SMIM35: variants seen among roughly 807,000 people sequenced by gnomAD.
The protein encoded by SMIM35 is TMPRSS4 antisense RNA 1 (non-protein coding).
intron 1 of SMIM35, chr11:118,029,535 G>A (rs2058301154): frequency 2.4e-6 from 1 of 415,514 alleles, no homozygotes; most frequent in Non-Finnish European, 4.8e-6. Flanking sequence ...CCAATAGGAG[G>A]CAATAGAGAG....
chr11:118,044,188 C>A (rs1332328826), intron 1 of SMIM35, among the ~76,000 whole-genome samples: 1 of 151,804 alleles, frequency 6.6e-6, no homozygotes, highest in Non-Finnish European at 1.5e-5. Flanking sequence ...ACACTCAAAA[C>A]CCATGCAAAA....
intron 1 of SMIM35, chr11:118,029,964 T>G (rs2058304882): frequency 5.6e-6 from 2 of 356,972 alleles, no homozygotes; most frequent in African/African-American, 4.3e-5. Context: ...TTGTTGTGGC[T>G]TATGTTTCCT....
chr11:118,042,606 A>G (rs1416069555), intron 1 of SMIM35, among the ~76,000 whole-genome samples: 2 of 152,248 alleles, frequency 1.3e-5, no homozygotes, highest in Non-Finnish European at 2.9e-5. Context: ...AACTCATTTT[A>G]TAAGGCAAAT....
chr11:118,056,339 G>T (rs1388292902), intron 1 of SMIM35, among the ~76,000 whole-genome samples: 2 of 152,166 alleles, frequency 1.3e-5, no homozygotes. Flanking sequence ...GGAAGGGAGG[G>T]TCAGCAGAAC....
At chr11:118,021,272 A>T (rs1314366839) in intron 1 of SMIM35, among the ~76,000 whole-genome samples, 1 of 152,104 alleles carries the variant, frequency 6.6e-6, no homozygotes, top group Non-Finnish European at 1.5e-5. Context: ...TAACAATAAA[A>T]TTGTTTTTTC....
At chr11:118,063,918 G>A (rs2135126746) in intron 1 of SMIM35, among the ~76,000 whole-genome samples, 1 of 152,322 alleles carries the variant, frequency 6.6e-6, no homozygotes, top group South Asian at 2.1e-4. Context: ...AAAGGTAAGT[G>A]TTCTCCTAAG....
Position 118,015,791 on chromosome 11 carries a change from G to C in SMIM35, c.26C>G (p.Thr9Ser), listed in dbSNP as rs1038456205. The C allele has an allele frequency of 3.0e-5, 12 of 399,100 alleles. No individual in the cohort carries two copies. Among genetic ancestry groups the C allele is most frequent in the Non-Finnish European group, 4.4e-5 (10 of 226,234 alleles). The allele number at this position is 399,100 out of a possible 1,614,324, so 24.7% of individuals were successfully genotyped here. A position where few individuals can be genotyped will look rare whatever the true frequency, so the allele number is the denominator to read the frequency against. Residue 9 changes from threonine to serine, a missense_variant, in exon 2 of 5, where the codon ACC becomes AGC. Physicochemically the swap from Thr to Ser is moderately conservative, Grantham distance 58. Coordinates refer to ENST00000689828, the MANE Select transcript of SMIM35 (RefSeq NM_001394165.1). MTGEDSISTLGLILGVGLL... is the reference protein window; with the variant it reads MTGEDSISSLGLILGVGLL... ...CCCCACGCCAAGGATCAGGCCCAAGGTGCTGATGGAGTCCTCACCTGCAGA... is the reference window on the plus strand; with the variant it reads ...CCCCACGCCAAGGATCAGGCCCAAGCTGCTGATGGAGTCCTCACCTGCAGA...
At chr11:118,082,275 G>C (rs1945192791) in intron 1 of SMIM35, among the ~76,000 whole-genome samples, 1 of 152,110 alleles carries the variant, frequency 6.6e-6, no homozygotes, top group Admixed American at 6.5e-5. Flanking sequence ...AGAAATTGAG[G>C]CTCAGCCGGG....
chr11:118,024,279 G>A (rs2058255929), intron 1 of SMIM35, among the ~76,000 whole-genome samples: 1 of 152,090 alleles, frequency 6.6e-6, no homozygotes. Flanking sequence ...CATCAAGGAA[G>A]GCCTAAACTA....
chr11:118,034,526 C>A (rs991977051), intron 1 of SMIM35, among the ~76,000 whole-genome samples: 5 of 152,156 alleles, frequency 3.3e-5, no homozygotes, highest in African/African-American at 1.2e-4. Context: ...AGTTCAAGAC[C>A]AGCCTGGGCA....
chr11:118,053,337 C>CACAG, intron 1 of SMIM35, among the ~76,000 whole-genome samples: 2 of 150,554 alleles, frequency 1.3e-5, no homozygotes, highest in South Asian at 4.2e-4. Context: ...CACACACACA[C>CACAG]ACACACACAC....
chr11:118,009,281 G>T (rs2058138913), intron 4 of SMIM35, among the ~76,000 whole-genome samples: 1 of 152,190 alleles, frequency 6.6e-6, no homozygotes, highest in Non-Finnish European at 1.5e-5. Context: ...AGGATGTTAG[G>T]ATAGCTGCCA....
At chr11:118,018,568 C>A (rs2058201460) in intron 1 of SMIM35, among the ~76,000 whole-genome samples, 1 of 152,178 alleles carries the variant, frequency 6.6e-6, no homozygotes, top group South Asian at 2.1e-4. Flanking sequence ...GATGTCAACA[C>A]AGCGTCATAG....
At position 118,008,027 on chromosome 11, in the gene SMIM35, G is replaced by A. The variant is rs560204055; in HGVS notation, c.*34-1651C>T. Among the ~76,000 whole-genome samples the A allele has an allele frequency of 7.9e-5, 12 of 152,106 alleles. 1 individual carries two copies. The South Asian group carries it at 1.9e-3, about 24-fold the overall frequency. ...TAGGATTATAGGCACGAGCCACCAC[G>A]CTCGGCTAATTTTTGTAGTTTTAGC... is the stretch of plus-strand genomic sequence containing the variant. On this transcript the variant is annotated intron_variant, in intron 4 of 4. Transcript: ENST00000689828.
chr11:118,037,559 T>C (rs558136525), intron 1 of SMIM35, among the ~76,000 whole-genome samples: 6 of 152,292 alleles, frequency 3.9e-5, no homozygotes, highest in African/African-American at 1.4e-4. Context: ...ATTAACATAA[T>C]AACAGCATCT....
At chr11:118,052,556 C>T (rs1421408968) in intron 1 of SMIM35, among the ~76,000 whole-genome samples, 1 of 152,102 alleles carries the variant, frequency 6.6e-6, no homozygotes, top group Non-Finnish European at 1.5e-5. Flanking sequence ...CTATGTAAGC[C>T]TCAGGCCCCC....
chr11:118,040,887 A>G (rs1943988941), intron 1 of SMIM35, among the ~76,000 whole-genome samples: 1 of 152,030 alleles, frequency 6.6e-6, no homozygotes, highest in Admixed American at 6.6e-5. Flanking sequence ...AATAATTATA[A>G]CAATATATTG....
chr11:118,019,511 G>T (rs1282944853), intron 1 of SMIM35, among the ~76,000 whole-genome samples: 1 of 152,142 alleles, frequency 6.6e-6, no homozygotes. Context: ...CAGAGACAAG[G>T]ACTCTCAGAG....
chr11:118,078,916 G>T (rs1301777601), intron 1 of SMIM35, among the ~76,000 whole-genome samples: 1 of 152,194 alleles, frequency 6.6e-6, no homozygotes, highest in African/African-American at 2.4e-5. Context: ...CATGTGAGTA[G>T]GTTCTGGAAA....
Sources: allele counts gnomAD v4.1 joint callset (sites outside exome capture counted in the v4.1 genomes callset), GRCh38; gene constraint gnomAD v4.1.1; transcripts MANE v1.5; gene names NCBI Gene and HGNC (gene_info 2026-07-23, HGNC 2026-07-21).